Variants in SRPK2 observed in about 807,000 individuals in gnomAD.
The protein encoded by SRPK2 is SRSF protein kinase 2.
In SRPK2, 21 loss-of-function variants were observed where a neutral mutation model predicts 90.8. That is an observed-to-expected ratio of 0.23 (90% CI 0.16 to 0.33). The LOEUF (loss-of-function observed/expected upper bound fraction) is 0.33, where lower values mean the gene tolerates loss of function less well. Ranked by LOEUF, SRPK2 falls within the 10% of genes least tolerant of loss-of-function variation. SRPK2 has a pLI of 1.00. For synonymous variants in SRPK2, 288 were observed against 311.1 expected (o/e 0.93, Z 0.78); for missense variants, 620 against 869.0 (o/e 0.71, Z 3.60).
chr7:105,250,879 T>C (rs1802392604), intron 2 of SRPK2, among the ~76,000 whole-genome samples: 1 of 152,176 alleles, frequency 6.6e-6, no homozygotes, highest in African/African-American at 2.4e-5. Flanking sequence ...AAATCTTTTC[T>C]AGCAACTCTG....
chr7:105,195,387 A>G (rs1172506077), intron 3 of SRPK2, among the ~76,000 whole-genome samples: 15 of 152,196 alleles, frequency 9.9e-5, no homozygotes, highest in Non-Finnish European at 2.2e-4. Flanking sequence ...AGATTATAAC[A>G]CCAGGATTCT....
chr7:105,279,914 G>A (rs1807035526), intron 2 of SRPK2, among the ~76,000 whole-genome samples: 1 of 152,144 alleles, frequency 6.6e-6, no homozygotes, highest in South Asian at 2.1e-4. Context: ...TGTTCAGCAG[G>A]AGGCCAAGTT....
At chr7:105,208,870 C>G (rs925428278) in intron 2 of SRPK2, among the ~76,000 whole-genome samples, 2 of 152,016 alleles carry the variant, frequency 1.3e-5, no homozygotes, top group Non-Finnish European at 1.5e-5. Context: ...ACCTGTAGTC[C>G]CAGCCATTTG....
At chr7:105,159,458 A>AAAAAAAAAAAAAAC in intron 7 of SRPK2, among the ~76,000 whole-genome samples, 1 of 146,626 alleles carries the variant, frequency 6.8e-6, no homozygotes, top group Non-Finnish European at 1.5e-5. Context: ...CAAAAAAAAA[A>AAAAAAAAAAAAAAC]AAAAAAAAAA....
At chr7:105,280,125 C>A (rs1339548404) in intron 2 of SRPK2, among the ~76,000 whole-genome samples, 1 of 152,064 alleles carries the variant, frequency 6.6e-6, no homozygotes, top group Non-Finnish European at 1.5e-5. Context: ...TGTACAAAGT[C>A]AAAAATTAAG....
At chr7:105,264,744 G>A (rs1449909254) in intron 2 of SRPK2, among the ~76,000 whole-genome samples, 2 of 152,160 alleles carry the variant, frequency 1.3e-5, no homozygotes, top group African/African-American at 2.4e-5. Flanking sequence ...ACTGTTGTGA[G>A]TTGTTAATTT....
At chr7:105,268,244 A>C (rs1464192616) in intron 2 of SRPK2, among the ~76,000 whole-genome samples, 1 of 152,200 alleles carries the variant, frequency 6.6e-6, no homozygotes, top group African/African-American at 2.4e-5. Flanking sequence ...GCATGCAGTG[A>C]CTGTTCCATT....
intron 2 of SRPK2, among the ~76,000 whole-genome samples, chr7:105,207,448 A>G (rs1363928152): frequency 1.3e-5 from 2 of 152,198 alleles, no homozygotes; most frequent in Admixed American, 1.3e-4. Flanking sequence ...AAAAAAAACA[A>G]CTTTCATCAA....
chr7:105,137,744 TTTC>T (rs1309140428), intron 11 of SRPK2, among the ~76,000 whole-genome samples: 47 of 152,192 alleles, frequency 3.1e-4, no homozygotes, highest in African/African-American at 1.1e-3. Flanking sequence ...GGCATTTAGG[TTTC>T]TTCAAGTTCC....
intron 6 of SRPK2, among the ~76,000 whole-genome samples, chr7:105,167,003 T>G (rs1357987804): frequency 6.6e-6 from 1 of 152,230 alleles, no homozygotes; most frequent in Non-Finnish European, 1.5e-5. Flanking sequence ...TTGCAGCCAC[T>G]GGGGCACACA....
chr7:105,272,439 T>C (rs531913342), intron 2 of SRPK2, among the ~76,000 whole-genome samples: 1 of 152,362 alleles, frequency 6.6e-6, no homozygotes, highest in Non-Finnish European at 1.5e-5. Flanking sequence ...TTATGGTTGC[T>C]TTTATTTTTA....
At chr7:105,235,107 T>TA (rs1353036168) in intron 2 of SRPK2, among the ~76,000 whole-genome samples, 4 of 152,228 alleles carry the variant, frequency 2.6e-5, no homozygotes, top group African/African-American at 9.6e-5. Flanking sequence ...GCCAAAAGAT[T>TA]AGATACCTCT....
At chr7:105,115,119 TACA>T (rs1799551565), downstream of SRPK2, 1 of 152,210 alleles carries the variant, frequency 6.6e-6, no homozygotes, top group African/African-American at 2.4e-5. Flanking sequence ...CAGAATCTTA[TACA>T]TTTTGATTCC....
chr7:105,279,707 A>C (rs1448427146), intron 2 of SRPK2, among the ~76,000 whole-genome samples: 2 of 152,224 alleles, frequency 1.3e-5, no homozygotes, highest in African/African-American at 4.8e-5. Context: ...TCCCGTTAGC[A>C]ATGAAATGTG....
At chr7:105,223,380 G>A (rs1249174580) in intron 2 of SRPK2, among the ~76,000 whole-genome samples, 2 of 152,224 alleles carry the variant, frequency 1.3e-5, no homozygotes, top group Non-Finnish European at 2.9e-5. Context: ...CGGAGTTGAA[G>A]GCTGTTTCTT....
At chr7:105,293,645 C>G (rs532113919) in intron 2 of SRPK2, among the ~76,000 whole-genome samples, 30 of 152,212 alleles carry the variant, frequency 2.0e-4, no homozygotes, top group African/African-American at 7.2e-4. Flanking sequence ...GTCTCAAACT[C>G]CTGACCTCAG....
intron 2 of SRPK2, among the ~76,000 whole-genome samples, chr7:105,246,143 T>A (rs1441164659): frequency 1.3e-5 from 2 of 152,188 alleles, no homozygotes; most frequent in Non-Finnish European, 2.9e-5. Context: ...CTTACAAAAT[T>A]TCTTGTTGCC....
intron 15 of SRPK2, among the ~76,000 whole-genome samples, chr7:105,121,323 C>T (rs1377727758): frequency 6.9e-6 from 1 of 145,800 alleles, no homozygotes; most frequent in Non-Finnish European, 1.5e-5. Context: ...CCAGCCTAGG[C>T]AACAGAGTGA....
At chr7:105,248,732 G>C (rs925375343) in intron 2 of SRPK2, among the ~76,000 whole-genome samples, 1 of 152,120 alleles carries the variant, frequency 6.6e-6, no homozygotes, top group Non-Finnish European at 1.5e-5. Context: ...ACGAGGTCAG[G>C]AGATTGAGAC....
Sources: allele counts gnomAD v4.1 joint callset (sites outside exome capture counted in the v4.1 genomes callset), GRCh38; gene constraint gnomAD v4.1.1; transcripts MANE v1.5; gene names NCBI Gene and HGNC (gene_info 2026-07-23, HGNC 2026-07-21).